MTUS1: variants seen among roughly 807,000 people sequenced by gnomAD.
MTUS1 encodes microtubule associated scaffold protein 1.
Under a neutral mutation model 120.8 loss-of-function variants are expected in MTUS1, and 109 were observed. The observed-to-expected ratio is 0.90, with a 90% CI of 0.77 to 1.06. The LOEUF is 1.06. Ranked by LOEUF, MTUS1 falls within the 50% of genes least tolerant of loss-of-function variation. MTUS1 has a pLI of 0.00. For synonymous variants in MTUS1, 737 were observed against 550.5 expected, an observed-to-expected ratio of 1.34 and a Z score of -4.74; for missense variants, 2,210 against 1,486.3, an observed-to-expected ratio of 1.49 and a Z score of -8.01.
chr8:17,763,355 T>A (rs905736270), intron 1 of MTUS1, among the ~76,000 whole-genome samples: 1 of 152,196 alleles, frequency 6.6e-6, no homozygotes, highest in African/African-American at 2.4e-5. Flanking sequence ...TGCTTTTGAA[T>A]GCTGCTCTCA....
chr8:17,690,927 T>A (rs905006693), intron 6 of MTUS1, among the ~76,000 whole-genome samples: 1 of 152,178 alleles, frequency 6.6e-6, no homozygotes, highest in Non-Finnish European at 1.5e-5. Flanking sequence ...AAGAAAATAA[T>A]ATGCATATAC....
chr8:17,800,746 T>TG (rs1367118822), intron 1 of MTUS1: 1 of 152,222 alleles, frequency 6.6e-6, no homozygotes, highest in African/African-American at 2.4e-5. Context: ...GAAGGGGCCC[T>TG]GCGAGAAGGC....
At chr8:17,799,478 G>A (rs2052509644) in intron 1 of MTUS1, among the ~76,000 whole-genome samples, 1 of 152,014 alleles carries the variant, frequency 6.6e-6, no homozygotes, top group South Asian at 2.1e-4. Context: ...TGCTGAAATT[G>A]CTTAACTCAC....
intron 6 of MTUS1, among the ~76,000 whole-genome samples, chr8:17,695,326 A>T (rs1251619892): frequency 6.6e-6 from 1 of 152,206 alleles, no homozygotes; most frequent in Non-Finnish European, 1.5e-5. Flanking sequence ...TACGCCAAAA[A>T]TTCTAAATAG....
intron 8 of MTUS1, among the ~76,000 whole-genome samples, chr8:17,658,439 C>G (rs544457068): frequency 6.6e-6 from 1 of 152,244 alleles, no homozygotes; most frequent in South Asian, 2.1e-4. Context: ...TGTACACACA[C>G]TACAATAAAT....
At position 17,754,457 on chromosome 8, in the gene MTUS1, A is replaced by C. The variant is rs2048438008; in HGVS notation, c.1351T>G (p.Cys451Gly). 6.2e-7 allele frequency: 1 copy of C among 1,613,796 alleles called. No individual in the cohort carries two copies. The highest frequency in any genetic ancestry group is 8.5e-7 in the Non-Finnish European group (1 of 1,179,930). ...CGATTACCCTTCTCCACTTTCTTAC[A>C]TTTCTCCGTCGCTTCAATCGGTGAA... ...SVSPIEATEK[C>G]KKVEKGNRGL... is the part of the protein sequence containing the mutation. Residue 451 changes from cysteine to glycine, a missense_variant, in exon 2 of 15, where the codon TGT (cysteine) becomes GGT (glycine). Cys to Gly is a radical substitution (Grantham distance 159). Coordinates refer to ENST00000693296, the MANE Select transcript of MTUS1 (RefSeq NM_001363059.2).
intron 6 of MTUS1, among the ~76,000 whole-genome samples, chr8:17,699,867 C>A (rs570302546): frequency 6.6e-6 from 1 of 152,266 alleles, no homozygotes; most frequent in South Asian, 2.1e-4. Flanking sequence ...ATTTAAATAA[C>A]TGGATAAGCA....
At chr8:17,791,176 G>C (rs1247611299) in intron 1 of MTUS1, among the ~76,000 whole-genome samples, 4 of 152,158 alleles carry the variant, frequency 2.6e-5, no homozygotes, top group African/African-American at 4.8e-5. Context: ...TATCCAAATA[G>C]TTCTGGTCCC....
intron 1 of MTUS1, among the ~76,000 whole-genome samples, chr8:17,756,829 C>G (rs561998716): frequency 6.6e-6 from 1 of 152,236 alleles, no homozygotes; most frequent in East Asian, 1.9e-4. Context: ...GGTTCATCCC[C>G]TCTCTCTACC....
rs555019253 is a variant in MTUS1 at position 17,719,399 on chromosome 8, T to C, written c.2450-3498A>G. On this transcript the variant is annotated intron_variant, in intron 4 of 14. Transcript: ENST00000693296. ...ATCAAAGTACTACTGAAATCTAAAC[T>C]TTTGAATTTCAAAAGCAATATCACT... is the stretch of plus-strand genomic sequence containing the variant. Among the ~76,000 whole-genome samples the C allele has an allele frequency of 8.5e-5, 13 of 152,342 alleles. No individual in the cohort carries two copies. In the South Asian group the frequency reaches 2.7e-3, roughly 32 times the overall value.
At chr8:17,789,260 A>G (rs1417925719) in intron 1 of MTUS1, among the ~76,000 whole-genome samples, 1 of 152,030 alleles carries the variant, frequency 6.6e-6, no homozygotes, top group Non-Finnish European at 1.5e-5. Flanking sequence ...CCAACTCCCA[A>G]TCTCAGGTGA....
Position 17,645,416 on chromosome 8 carries a change from A to C in MTUS1, c.*510T>G, listed in dbSNP as rs1260769580. The C allele has an allele frequency of 6.5e-6, 1 of 153,404 alleles. No homozygotes were observed. Among genetic ancestry groups the C allele is most frequent in the Non-Finnish European group, 1.5e-5 (1 of 68,624 alleles). The allele number at this position is 153,404 out of a possible 1,614,324, so 9.5% of individuals were successfully genotyped here. On this transcript the variant is annotated 3_prime_UTR_variant, in exon 15 of 15. Transcript: ENST00000693296. The stretch of plus-strand genomic sequence containing the variant: ...CTGATTGATTGATTATTATTTGATT[A>C]GTACATATCCAGATATATTCAGATT...
intron 1 of MTUS1, among the ~76,000 whole-genome samples, chr8:17,796,258 T>C (rs1393781007): frequency 7.2e-5 from 11 of 152,302 alleles, no homozygotes; most frequent in African/African-American, 2.7e-4. Context: ...CCAAGAACAT[T>C]CTTACTTTAG....
At chr8:17,697,478 A>G in intron 6 of MTUS1, 2 of 1,479,790 alleles carry the variant, frequency 1.4e-6, no homozygotes, top group East Asian at 2.4e-5. Context: ...CAAGAAATAC[A>G]GTCAGAGGAA....
intron 8 of MTUS1, among the ~76,000 whole-genome samples, chr8:17,658,024 GACACACACACACACACACAC>G (rs58132896): frequency 7.1e-6 from 1 of 140,442 alleles, no homozygotes; most frequent in African/African-American, 2.6e-5. Flanking sequence ...TATATATATA[GACACACACACACACACACAC>G]ACACACACAC....
In MTUS1 at chr8:17,684,512, C is replaced by G. The variant is rs1314184904; in HGVS notation, c.2654G>C (p.Ser885Thr). Residue 885 changes from serine (S) to threonine (T), a missense_variant, in exon 7 of 15, where the codon AGC becomes ACC. Transcript: ENST00000693296. ...AGCTGTCTGTGGCTGGATACATAAG[C>G]TTCGAGGATTCTTTTGCCTGCTCTT... The part of the protein sequence containing the change: ...VEKSRQKNPR[S>T]LCIQPQTAPD... 6.2e-7 allele frequency: 1 copy of G among 1,613,944 alleles called. No homozygotes were observed. Among genetic ancestry groups the G allele is most frequent in the African/African-American group, 1.3e-5 (1 of 74,916 alleles).
intron 8 of MTUS1, chr8:17,674,383 G>GCA: frequency 1.3e-6 from 1 of 796,416 alleles, no homozygotes; most frequent in Non-Finnish European, 1.5e-6. Flanking sequence ...TCGCACCACT[G>GCA]CACTCCAGTC....
intron 6 of MTUS1, among the ~76,000 whole-genome samples, chr8:17,692,725 G>A (rs975469275): frequency 1.3e-5 from 2 of 152,022 alleles, no homozygotes; most frequent in Non-Finnish European, 2.9e-5. Context: ...TGGGTGCTGG[G>A]CTTAATACTT....
chr8:17,699,635 A>G (rs1342511492), intron 6 of MTUS1, among the ~76,000 whole-genome samples: 1 of 152,228 alleles, frequency 6.6e-6, no homozygotes, highest in Non-Finnish European at 1.5e-5. Flanking sequence ...CTATAACCAC[A>G]CATATTGAAA....
Sources: allele counts gnomAD v4.1 joint callset (sites outside exome capture counted in the v4.1 genomes callset), GRCh38; gene constraint gnomAD v4.1.1; transcripts MANE v1.5; gene names NCBI Gene and HGNC (gene_info 2026-07-23, HGNC 2026-07-21).